Variants in TIAM1 observed in about 807,000 individuals in gnomAD.
TIAM1 encodes the protein rho guanine nucleotide exchange factor TIAM1.
TIAM1 carries 65 observed loss-of-function variants against 163.5 expected under a neutral mutation model. The ratio of observed to expected loss-of-function variants is 0.40; its 90% CI spans 0.33 to 0.49. The LOEUF is 0.49. Ranked by LOEUF, TIAM1 falls within the 20% of genes least tolerant of loss-of-function variation. TIAM1 has a pLI of 0.77. For synonymous variants in TIAM1, 833 were observed against 810.1 expected (o/e 1.03, Z -0.48); for missense variants, 1,789 against 2,044.7 (o/e 0.87, Z 2.41).
Position 31,119,700 on chromosome 21 carries a change from G to A in TIAM1, c.*668C>T, listed in dbSNP as rs904976281. 3.9e-5 allele frequency: 6 copies of A among 152,164 alleles called. No homozygotes were observed. The highest frequency in any genetic ancestry group is 9.7e-5 in the African/African-American group (4 of 41,292). 9.4% of individuals were successfully genotyped at this position (152,164 alleles called of 1,614,324 possible). Reference sequence around the variant, plus strand: ...AGTGTTTCTTTTCTTTCTCTCAAGCGATAAATTTGGATCTCTTTTCAAAGA... The same window carrying A: ...AGTGTTTCTTTTCTTTCTCTCAAGCAATAAATTTGGATCTCTTTTCAAAGA... On this transcript the variant is annotated 3_prime_UTR_variant, in exon 28 of 28. Transcript: ENST00000541036.
At chr21:31,206,232 G>T (rs995261661) in intron 11 of TIAM1, among the ~76,000 whole-genome samples, 7 of 152,088 alleles carry the variant, frequency 4.6e-5, no homozygotes, top group Non-Finnish European at 8.8e-5. Context: ...TCTGAATTAT[G>T]AGCCCTTGTT....
intron 5 of TIAM1, among the ~76,000 whole-genome samples, chr21:31,249,208 T>C (rs2071664349): frequency 6.6e-6 from 1 of 152,172 alleles, no homozygotes; most frequent in Non-Finnish European, 1.5e-5. Context: ...TGATCCAATA[T>C]AAATGGTGCC....
chr21:31,180,229 G>T (rs975045100), intron 15 of TIAM1, among the ~76,000 whole-genome samples: 2 of 152,006 alleles, frequency 1.3e-5, no homozygotes, highest in African/African-American at 2.4e-5. Context: ...AAAGAAGAAA[G>T]AAATAGACGA....
At chr21:31,125,293 G>GT (rs948317686) in intron 26 of TIAM1, among the ~76,000 whole-genome samples, 1 of 151,224 alleles carries the variant, frequency 6.6e-6, no homozygotes, top group Non-Finnish European at 1.5e-5. Flanking sequence ...TTTTACCCAG[G>GT]TAAGTTTTAC....
Position 31,124,712 on chromosome 21 carries a change from A to G in TIAM1, c.4134-18T>C. 1 of 1,547,504 alleles carries G rather than the reference A, an allele frequency of 6.5e-7. No homozygotes were observed. Among genetic ancestry groups the G allele is most frequent in the East Asian group, 2.3e-5 (1 of 43,986 alleles). On this transcript the variant is annotated intron_variant, in intron 26 of 27. Coordinates refer to ENST00000541036, the MANE Select transcript of TIAM1 (RefSeq NM_001353694.2). ...CTGGGGAGCTAGGAAAAGAAGATTT[A>G]CAGATGTTAGAGAATCAGGGCTTAA...
At chr21:31,317,912 A>G (rs1466041035) in intron 2 of TIAM1, among the ~76,000 whole-genome samples, 1 of 152,208 alleles carries the variant, frequency 6.6e-6, no homozygotes, top group Non-Finnish European at 1.5e-5. Flanking sequence ...TCATATTCTC[A>G]GGCAGCCCCA....
chr21:31,316,885 AG>A (rs1245716011), intron 2 of TIAM1, among the ~76,000 whole-genome samples: 14 of 152,282 alleles, frequency 9.2e-5, no homozygotes, highest in African/African-American at 3.1e-4. Flanking sequence ...CCCCCCAGGG[AG>A]GGAGGCCTGT....
intron 2 of TIAM1, among the ~76,000 whole-genome samples, chr21:31,461,904 C>T (rs759471613): frequency 2.0e-5 from 3 of 152,100 alleles, no homozygotes; most frequent in African/African-American, 7.2e-5. Flanking sequence ...TGGGCTCAAG[C>T]GATCCTCCCG....
At chr21:31,221,843 C>T (rs746179568) in intron 8 of TIAM1, among the ~76,000 whole-genome samples, 32 of 152,060 alleles carry the variant, frequency 2.1e-4, no homozygotes, top group Admixed American at 3.3e-4. Flanking sequence ...GCAGAATAGG[C>T]GAACTGAGAT....
At chr21:31,536,656 G>C (rs1040053081) in intron 1 of TIAM1, among the ~76,000 whole-genome samples, 1 of 152,244 alleles carries the variant, frequency 6.6e-6, no homozygotes, top group African/African-American at 2.4e-5. Context: ...GCAGAGCTGA[G>C]TGGGCAGGGC....
intron 19 of TIAM1, among the ~76,000 whole-genome samples, chr21:31,149,837 A>T (rs1400707888): frequency 6.6e-6 from 1 of 152,218 alleles, no homozygotes; most frequent in Non-Finnish European, 1.5e-5. Flanking sequence ...AATGAACCTA[A>T]CTTATTTCAA....
At chr21:31,284,450 A>C (rs1025247852) in intron 2 of TIAM1, among the ~76,000 whole-genome samples, 1 of 152,134 alleles carries the variant, frequency 6.6e-6, no homozygotes, top group Non-Finnish European at 1.5e-5. Context: ...GACACACAGC[A>C]GGGGGGGTGG....
rs147016191 is a variant in TIAM1, at chr21:31,437,731, C to T, written c.-369+26252G>A. 2.6e-5 allele frequency among the ~76,000 whole-genome samples: 4 copies of T among 152,232 alleles called. No homozygotes were observed. In the East Asian group the frequency reaches 5.8e-4, roughly 22 times the overall value. On this transcript the variant is annotated intron_variant, in intron 2 of 28. Coordinates refer to the TIAM1 transcript ENST00000286827. Reference sequence around the variant, plus strand: ...ACCTCCACCCTCTCTCTCTCTTCCACCTGCTCTGGCCACGTAAGAGTTGCC... The same window carrying T: ...ACCTCCACCCTCTCTCTCTCTTCCATCTGCTCTGGCCACGTAAGAGTTGCC...
chr21:31,186,201 C>T (rs1487943721), intron 14 of TIAM1, among the ~76,000 whole-genome samples: 1 of 152,146 alleles, frequency 6.6e-6, no homozygotes, highest in South Asian at 2.1e-4. Context: ...CAGGATGTAG[C>T]GGGGAAGCGC....
At chr21:31,327,901 C>T (rs1170589069) in intron 2 of TIAM1, among the ~76,000 whole-genome samples, 1 of 152,022 alleles carries the variant, frequency 6.6e-6, no homozygotes, top group Non-Finnish European at 1.5e-5. Flanking sequence ...GATCGTGTCT[C>T]CCTAGTCCTA....
intron 3 of TIAM1, among the ~76,000 whole-genome samples, chr21:31,267,516 ATTTT>A (rs34794925): frequency 7.2e-6 from 1 of 138,012 alleles, no homozygotes; most frequent in African/African-American, 2.7e-5. Flanking sequence ...TCGTTTTTTC[ATTTT>A]TTTTTTTTTT....
intron 15 of TIAM1, among the ~76,000 whole-genome samples, chr21:31,170,584 A>T (rs1039654022): frequency 6.6e-6 from 1 of 152,220 alleles, no homozygotes; most frequent in African/African-American, 2.4e-5. Context: ...ACATATTATA[A>T]AATTACAGTA....
chr21:31,503,076 T>C lies in TIAM1; in HGVS notation c.-421-39041A>G. On this transcript the variant is annotated intron_variant, in intron 1 of 28. Transcript: ENST00000286827. ...GTACCAAGGTCAAAATTGTCCATAA[T>C]CCGCTATTGTGTCTCCCTTAGGAAA... Among the ~76,000 whole-genome samples the C allele has an allele frequency of 1.3e-5, 2 of 152,112 alleles. 1 individual carries two copies. Among genetic ancestry groups the C allele is most frequent in the Admixed American group, 1.3e-4 (2 of 15,274 alleles).
chr21:31,203,785 T>G (rs549735378), intron 11 of TIAM1, among the ~76,000 whole-genome samples: 1 of 152,218 alleles, frequency 6.6e-6, no homozygotes, highest in Non-Finnish European at 1.5e-5. Flanking sequence ...ATAGGGACAG[T>G]GGGACAGTTG....
Sources: gnomAD v4.1 joint callset for allele counts (sites outside exome capture counted in the v4.1 genomes callset) on GRCh38, gnomAD v4.1.1 for gene constraint, MANE v1.5 for transcripts, NCBI Gene and HGNC (gene_info 2026-07-23, HGNC 2026-07-21) for gene names.